Variants in CCSER1 observed in about 807,000 individuals in gnomAD.
CCSER1 encodes the protein coiled-coil serine rich protein 1, also known as serine-rich coiled-coil domain-containing protein 1.
A neutral mutation model predicts 82.0 loss-of-function variants in CCSER1; 41 were observed. The ratio of observed to expected loss-of-function variants is 0.50; its 90% CI spans 0.39 to 0.65. The LOEUF is 0.65. Ranked by LOEUF, CCSER1 falls within the 30% of genes least tolerant of loss-of-function variation. CCSER1 has a pLI of 0.00. For synonymous variants in CCSER1, 414 were observed against 383.9 expected, an observed-to-expected ratio of 1.08 and a Z score of -0.92; for missense variants, 1,119 against 1,064.2, an observed-to-expected ratio of 1.05 and a Z score of -0.72.
At chr4:91,293,201 C>T (rs148204258) in intron 10 of CCSER1, among the ~76,000 whole-genome samples, 2 of 151,988 alleles carry the variant, frequency 1.3e-5, no homozygotes, top group Non-Finnish European at 2.9e-5. Flanking sequence ...TCCCACTCAG[C>T]ACCATCCACT....
intron 10 of CCSER1, among the ~76,000 whole-genome samples, chr4:91,470,532 CTGT>C (rs1303917988): frequency 2.6e-5 from 4 of 152,054 alleles, no homozygotes; most frequent in Non-Finnish European, 4.4e-5. Context: ...TTCTTTTTTG[CTGT>C]TGTTGTTAGA....
rs544371714 is a variant in CCSER1 at position 91,480,288 on chromosome 4, T to A, written c.2218-118284T>A. ...TGGGATGGCTGGGTCAAATGGAATT[T>A]CTAATTCTAGATCCCTAAGGAATCA... On this transcript the variant is annotated intron_variant, in intron 10 of 10. Coordinates refer to ENST00000509176, the MANE Select transcript of CCSER1 (RefSeq NM_001145065.2). Among the ~76,000 whole-genome samples the A allele has an allele frequency of 2.0e-5, 3 of 152,336 alleles. No homozygotes were observed. The East Asian group carries it at 5.8e-4, about 29-fold the overall frequency.
At chr4:91,407,846 G>A (rs1752792218) in intron 10 of CCSER1, among the ~76,000 whole-genome samples, 1 of 152,140 alleles carries the variant, frequency 6.6e-6, no homozygotes, top group Non-Finnish European at 1.5e-5. Context: ...TTCCAACACT[G>A]GGGATGAAAT....
At chr4:90,930,768 C>T (rs937984094) in intron 9 of CCSER1, among the ~76,000 whole-genome samples, 5 of 151,518 alleles carry the variant, frequency 3.3e-5, no homozygotes, top group African/African-American at 1.2e-4. Flanking sequence ...CTGTATGAAG[C>T]TAAGTTCTAT....
At chr4:91,230,127 A>G (rs1047623897) in intron 10 of CCSER1, among the ~76,000 whole-genome samples, 1 of 152,158 alleles carries the variant, frequency 6.6e-6, no homozygotes, top group Non-Finnish European at 1.5e-5. Context: ...CCTCCAAAAT[A>G]AACTTTAGCC....
At chr4:90,740,160 G>A (rs1014381392) in intron 7 of CCSER1, among the ~76,000 whole-genome samples, 3 of 152,066 alleles carry the variant, frequency 2.0e-5, no homozygotes, top group Non-Finnish European at 4.4e-5. Flanking sequence ...TTTTTTAAAA[G>A]TATTTTACAA....
intron 5 of CCSER1, among the ~76,000 whole-genome samples, chr4:90,496,955 C>T (rs560759213): frequency 3.0e-3 from 338 of 112,890 alleles, no homozygotes; most frequent in African/African-American, 0.011. Context: ...TCCAGCCTGG[C>T]GATAGAGCGA....
At chr4:90,462,839 T>C (rs1048635173) in intron 4 of CCSER1, among the ~76,000 whole-genome samples, 1 of 152,208 alleles carries the variant, frequency 6.6e-6, no homozygotes, top group African/African-American at 2.4e-5. Context: ...CATTAATTCA[T>C]TTAATCATCA....
At chr4:90,539,507 G>A (rs1775838162) in intron 5 of CCSER1, among the ~76,000 whole-genome samples, 2 of 151,982 alleles carry the variant, frequency 1.3e-5, no homozygotes, top group Admixed American at 6.6e-5. Context: ...AGCTCTTGTG[G>A]CAATTACACG....
chr4:90,375,890 A>G (rs1054782317), intron 3 of CCSER1, among the ~76,000 whole-genome samples: 1 of 152,152 alleles, frequency 6.6e-6, no homozygotes, highest in African/African-American at 2.4e-5. Flanking sequence ...CAAGTATTCA[A>G]ATTTAACCGG....
chr4:91,166,035 C>A (rs538281414), intron 10 of CCSER1, among the ~76,000 whole-genome samples: 3 of 152,116 alleles, frequency 2.0e-5, no homozygotes, highest in African/African-American at 4.8e-5. Flanking sequence ...ATCTGTAGAT[C>A]GGATCTGTTC....
intron 5 of CCSER1, among the ~76,000 whole-genome samples, chr4:90,482,466 G>C (rs1766190776): frequency 6.6e-6 from 1 of 151,922 alleles, no homozygotes; most frequent in Non-Finnish European, 1.5e-5. Context: ...GTGATGTTAG[G>C]GTGTCAATTT....
At chr4:90,544,168 A>G (rs1439667886) in intron 5 of CCSER1, among the ~76,000 whole-genome samples, 1 of 152,096 alleles carries the variant, frequency 6.6e-6, no homozygotes, top group Non-Finnish European at 1.5e-5. Flanking sequence ...TATAGAAGCT[A>G]TTGGAATCCT....
intron 10 of CCSER1, among the ~76,000 whole-genome samples, chr4:91,262,233 A>G (rs1405071034): frequency 6.6e-6 from 1 of 152,078 alleles, no homozygotes; most frequent in Non-Finnish European, 1.5e-5. Flanking sequence ...AGATGAGGAT[A>G]AAAATAAATC....
At chr4:91,353,490 G>A (rs576478267) in intron 10 of CCSER1, among the ~76,000 whole-genome samples, 4 of 152,202 alleles carry the variant, frequency 2.6e-5, no homozygotes, top group Non-Finnish European at 5.9e-5. Flanking sequence ...TTTGGGCGTG[G>A]TGCTGGGCTG....
chr4:90,951,452 G>A (rs1732903023), intron 9 of CCSER1: 1 of 151,912 alleles, frequency 6.6e-6, no homozygotes, highest in Admixed American at 6.6e-5. Flanking sequence ...ACTTTTTTCG[G>A]TTACTTTTCT....
intron 10 of CCSER1, among the ~76,000 whole-genome samples, chr4:91,176,875 A>C (rs953702785): frequency 6.6e-6 from 1 of 152,190 alleles, no homozygotes; most frequent in African/African-American, 2.4e-5. Context: ...AAGTGGTGAG[A>C]GAGGGCATCC....
chr4:90,154,168 G>A (rs1467624896), intron 1 of CCSER1, among the ~76,000 whole-genome samples: 1 of 152,148 alleles, frequency 6.6e-6, no homozygotes, highest in African/African-American at 2.4e-5. Flanking sequence ...TCTCAGGTTT[G>A]TCAAAGATCA....
At chr4:90,887,147 G>A (rs1291213429) in intron 8 of CCSER1, among the ~76,000 whole-genome samples, 11 of 151,952 alleles carry the variant, frequency 7.2e-5, no homozygotes. Flanking sequence ...ATACAATAAA[G>A]ACAATCTTAG....
Sources: gnomAD v4.1 joint callset for allele counts (sites outside exome capture counted in the v4.1 genomes callset) on GRCh38, gnomAD v4.1.1 for gene constraint, MANE v1.5 for transcripts, NCBI Gene and HGNC (gene_info 2026-07-23, HGNC 2026-07-21) for gene names.